The following BAZ1A variants were observed in gnomAD, a reference collection of about 807,000 sequenced individuals.
BAZ1A encodes the protein bromodomain adjacent to zinc finger domain protein 1A.
A neutral mutation model predicts 185.2 loss-of-function variants in BAZ1A; 50 were observed. The ratio of observed to expected loss-of-function variants is 0.27; its 90% CI spans 0.22 to 0.34. The LOEUF is 0.34. BAZ1A is among the 10% of genes least tolerant of loss of function. The probability of loss-of-function intolerance (pLI) is 1.00; values close to 1 mark genes in which losing one functional copy is unlikely to be tolerated. For missense variants in BAZ1A, 1,356 were observed against 1,839.9 expected, an observed-to-expected ratio of 0.74 and a Z score of 4.81; for synonymous variants, 571 against 615.6, an observed-to-expected ratio of 0.93 and a Z score of 1.07.
chr14:34,793,342 T>C (rs973891442), intron 11 of BAZ1A, among the ~76,000 whole-genome samples: 1 of 152,234 alleles, frequency 6.6e-6, no homozygotes, highest in Non-Finnish European at 1.5e-5. Flanking sequence ...TTAATCCTAA[T>C]ATTATGTCTA....
chr14:34,780,073 C>G (rs1879936243), intron 17 of BAZ1A, 113 bp downstream of exon 17: 6 of 1,418,914 alleles, frequency 4.2e-6, no homozygotes, highest in Non-Finnish European at 5.8e-6. Context: ...ACAAACACAG[C>G]CTGGAATCAC....
intron 4 of BAZ1A, among the ~76,000 whole-genome samples, chr14:34,820,122 G>GTGT (rs2042064426): frequency 1.2e-5 from 1 of 80,662 alleles, no homozygotes; most frequent in Non-Finnish European, 2.2e-5. Context: ...TGGGTTCCTC[G>GTGT]TTTTTTTTTT....
At position 34,785,923 on chromosome 14, in the gene BAZ1A, G is replaced by C. The variant is rs374052771; in HGVS notation, c.1685C>G (p.Ala562Gly). ...ILRLHILASG[A>G]DVTSANAKYR... ...CTTTGCATTTGCTGATGTTACATCA[G>C]CACCTGAAGCTAAGATGTGCAGTCT... Residue 562 changes from alanine to glycine, a missense_variant, in exon 14 of 27, where the codon GCT becomes GGT. Ala to Gly is a moderately conservative substitution (Grantham distance 60). Around this residue, in one of 7 missense-constraint regions of BAZ1A, gnomAD observed 184 missense variants for 355.1 expected, o/e 0.52. Transcript: ENST00000360310. 28 of 1,613,968 alleles carry C rather than the reference G, an allele frequency of 1.7e-5. No individual in the cohort carries two copies. Among genetic ancestry groups the C allele is most frequent in the Middle Eastern group, 3.3e-4 (2 of 6,084 alleles).
intron 3 of BAZ1A, among the ~76,000 whole-genome samples, chr14:34,840,278 C>T (rs543330819): frequency 9.7e-4 from 147 of 152,082 alleles, no homozygotes; most frequent in Non-Finnish European, 1.6e-3. Flanking sequence ...CCATCTCAAC[C>T]GTAAGCATAT....
chr14:34,807,599 TC>T, intron 5 of BAZ1A, 61 bp from the exon 6 acceptor site: 1 of 1,165,418 alleles, frequency 8.6e-7, no homozygotes, highest in South Asian at 1.4e-5. Context: ...CAACCCCAAC[TC>T]CATAATCTCT....
intron 9 of BAZ1A, among the ~76,000 whole-genome samples, chr14:34,796,759 A>G (rs958713358): frequency 7.2e-5 from 11 of 152,222 alleles, no homozygotes; most frequent in Non-Finnish European, 1.5e-4. Context: ...AGAGGTTAAC[A>G]GATGTGCACT....
chr14:34,810,639 T>A (rs967050748), intron 5 of BAZ1A, among the ~76,000 whole-genome samples: 5 of 152,030 alleles, frequency 3.3e-5, no homozygotes, highest in Non-Finnish European at 5.9e-5. Context: ...TTTTTTTTTT[T>A]AATAGAGACA....
At chr14:34,858,539 T>C (rs531077748) in intron 3 of BAZ1A, among the ~76,000 whole-genome samples, 2 of 152,270 alleles carry the variant, frequency 1.3e-5, no homozygotes, top group South Asian at 2.1e-4. Context: ...GGTCTCGAAC[T>C]CCTGACCTCA....
intron 3 of BAZ1A, among the ~76,000 whole-genome samples, chr14:34,855,214 T>C (rs2042657973): frequency 6.6e-6 from 1 of 152,240 alleles, no homozygotes; most frequent in South Asian, 2.1e-4. Flanking sequence ...ATACACAGAC[T>C]ATAACCTACT....
At position 34,819,670 on chromosome 14, in the gene BAZ1A, C is replaced by A. The variant is rs113131500; in HGVS notation, c.536+6343G>T. ...TTATGTACCACAGTTTATCCACTCA[C>A]CTACTGAAGGACATCTTAGTTGCTT... On this transcript the variant is annotated intron_variant, in intron 4 of 26. Transcript: ENST00000360310. Among the ~76,000 whole-genome samples the A allele has an allele frequency of 3.4e-3, 513 of 152,246 alleles. 4 individuals are homozygous for A. The highest frequency in any genetic ancestry group is 0.012 in the African/African-American group (489 of 41,566).
chr14:34,872,190 C>T (rs999293664), intron 2 of BAZ1A, among the ~76,000 whole-genome samples: 1 of 152,046 alleles, frequency 6.6e-6, no homozygotes, highest in Non-Finnish European at 1.5e-5. Context: ...TTGTAATTTC[C>T]AAAAGCCCAA....
Position 34,753,520 on chromosome 14 carries a change from C to T in BAZ1A, c.4659G>A (p.Lys1553=), listed in dbSNP as rs1886107735. 10 of 1,613,942 alleles carry T rather than the reference C, an allele frequency of 6.2e-6. No individual in the cohort carries two copies. In the East Asian group the frequency reaches 2.2e-4, roughly 36 times the overall value. ...DQVSTPPAAK[K]SRI ...TAGAAGGACAAAGTCAGATTCGTGACTTTTTCGCAGCCGGTGGTGTGCTAA... is the reference window on the plus strand; with the variant it reads ...TAGAAGGACAAAGTCAGATTCGTGATTTTTTCGCAGCCGGTGGTGTGCTAA... The change falls in exon 27 of 27, where the codon AAG becomes AAA. Residue 1553 remains lysine, a synonymous_variant. Coordinates refer to ENST00000360310, the MANE Select transcript of BAZ1A (RefSeq NM_013448.3).
In BAZ1A at chr14:34,800,438, A is replaced by G. The variant is rs778031776; in HGVS notation, c.962-48T>C. On this transcript the variant is annotated intron_variant, in intron 8 of 26. Coordinates refer to ENST00000360310, the MANE Select transcript of BAZ1A (RefSeq NM_013448.3). The stretch of plus-strand genomic sequence containing the variant: ...GAACTATATATATAGACAAAATAAC[A>G]CTTGGCAATTTTTTTGATGTAACAA... 6 of 1,383,462 alleles carry G rather than the reference A, an allele frequency of 4.3e-6. No individual in the cohort carries two copies. The Admixed American group carries it at 1.1e-4, about 26-fold the overall frequency. 85.7% of individuals were successfully genotyped at this position (1,383,462 alleles called of 1,614,324 possible).
chr14:34,847,700 T>C (rs1183623316), intron 3 of BAZ1A, among the ~76,000 whole-genome samples: 1 of 152,198 alleles, frequency 6.6e-6, no homozygotes, highest in East Asian at 1.9e-4. Flanking sequence ...ATTTAGCAGC[T>C]CTCTTTTGTC....
chr14:34,848,759 A>T (rs2138782927), intron 3 of BAZ1A, among the ~76,000 whole-genome samples: 1 of 152,280 alleles, frequency 6.6e-6, no homozygotes, highest in South Asian at 2.1e-4. Flanking sequence ...TACTATGGGG[A>T]TAATATTTGG....
intron 17 of BAZ1A, among the ~76,000 whole-genome samples, chr14:34,778,319 T>C (rs546192707): frequency 2.6e-5 from 4 of 152,208 alleles, no homozygotes; most frequent in Non-Finnish European, 5.9e-5. Context: ...ACCAACAAGA[T>C]AGAAAGAGCT....
chr14:34,789,746 G>A (rs1880718834), intron 12 of BAZ1A, among the ~76,000 whole-genome samples: 1 of 152,170 alleles, frequency 6.6e-6, no homozygotes, highest in Admixed American at 6.5e-5. Context: ...TATAAAAACA[G>A]GGAGACCAAG....
intron 3 of BAZ1A, among the ~76,000 whole-genome samples, chr14:34,842,399 C>T (rs188611512): frequency 9.9e-5 from 15 of 152,186 alleles, no homozygotes; most frequent in South Asian, 6.2e-4. Context: ...TTGCAGAGTA[C>T]GCAAGTAAAA....
chr14:34,831,186 A>G (rs1287645267), intron 3 of BAZ1A, among the ~76,000 whole-genome samples: 2 of 152,254 alleles, frequency 1.3e-5, no homozygotes, highest in East Asian at 3.9e-4. Context: ...TACCAGCTCT[A>G]TTCTCCTAGG....
Sources: gnomAD v4.1 joint callset for allele counts (sites outside exome capture counted in the v4.1 genomes callset) on GRCh38, gnomAD v4.1.1 for gene constraint, gnomAD v4.1.1 regional missense constraint, MANE v1.5 for transcripts, NCBI Gene and HGNC (gene_info 2026-07-23, HGNC 2026-07-21) for gene names.